The following PBX3 variants were observed in gnomAD, a reference collection of about 807,000 sequenced individuals.
The protein encoded by PBX3 is PBX homeobox 3, also known as pre-B-cell leukemia transcription factor 3.
A neutral mutation model predicts 48.5 loss-of-function variants in PBX3; 14 were observed. That is an observed-to-expected ratio of 0.29 (90% CI 0.19 to 0.45). The LOEUF is 0.45. Ranked by LOEUF, PBX3 falls within the 20% of genes least tolerant of loss-of-function variation. The probability of loss-of-function intolerance (pLI) is 1.00; values close to 1 mark genes in which losing one functional copy is unlikely to be tolerated. For missense variants in PBX3, 386 were observed against 546.7 expected (o/e 0.71, Z 2.93); for synonymous variants, 210 against 200.3 (o/e 1.05, Z -0.41).
At chr9:125,854,878 C>G (rs1407452239) in intron 2 of PBX3, among the ~76,000 whole-genome samples, 2 of 152,030 alleles carry the variant, frequency 1.3e-5, no homozygotes, top group East Asian at 3.8e-4. Flanking sequence ...AGTTACTGGA[C>G]TTTTCTGAGA....
chr9:125,935,263 A>G (rs1841809523), intron 4 of PBX3, among the ~76,000 whole-genome samples: 1 of 152,204 alleles, frequency 6.6e-6, no homozygotes, highest in East Asian at 1.9e-4. Context: ...ATAGTCTGGT[A>G]TTTTTCTCAG....
chr9:125,769,437 A>G (rs1836886243), intron 2 of PBX3, among the ~76,000 whole-genome samples: 1 of 152,212 alleles, frequency 6.6e-6, no homozygotes, highest in Non-Finnish European at 1.5e-5. Context: ...TGCTTATGTA[A>G]TATAATTTGC....
chr9:125,964,807 G>A (rs1409427565), intron 8 of PBX3, among the ~76,000 whole-genome samples: 1 of 152,204 alleles, frequency 6.6e-6, no homozygotes, highest in African/African-American at 2.4e-5. Flanking sequence ...GGCAGCCCAG[G>A]CCTGAAAGAG....
At position 125,864,269 on chromosome 9, in the gene PBX3, G is replaced by C. The variant is rs117004515; in HGVS notation, c.275-51417G>C. ...AGCATCAAGATAACACACTCTTTTT[G>C]AGAAGAATTTTGGGAGTCAATTATT... On this transcript the variant is annotated intron_variant, in intron 2 of 8. Coordinates refer to ENST00000373489, the MANE Select transcript of PBX3 (RefSeq NM_006195.6). Among the ~76,000 whole-genome samples the C allele has an allele frequency of 5.1e-3, 773 of 152,180 alleles. 4 individuals carry two copies. The highest frequency in any genetic ancestry group is 8.6e-3 in the Non-Finnish European group (586 of 67,994).
At chr9:125,796,068 A>G (rs770776541) in intron 2 of PBX3, among the ~76,000 whole-genome samples, 30 of 146,262 alleles carry the variant, frequency 2.1e-4, no homozygotes, top group Non-Finnish European at 3.4e-4. Context: ...CTGCATGTCT[A>G]TTTTCTTTAT....
At chr9:125,956,485 G>T (rs1467867353) in intron 5 of PBX3, among the ~76,000 whole-genome samples, 1 of 152,180 alleles carries the variant, frequency 6.6e-6, no homozygotes, top group Non-Finnish European at 1.5e-5. Flanking sequence ...ATTGCGTGGG[G>T]GAAATACACG....
intron 2 of PBX3, among the ~76,000 whole-genome samples, chr9:125,873,839 G>T (rs1233382066): frequency 6.6e-6 from 1 of 152,052 alleles, no homozygotes; most frequent in Non-Finnish European, 1.5e-5. Flanking sequence ...AAAACTTGAA[G>T]ATGAGTTAAA....
intron 2 of PBX3, among the ~76,000 whole-genome samples, chr9:125,895,695 A>G (rs1840753142): frequency 1.3e-5 from 2 of 152,074 alleles, no homozygotes; most frequent in South Asian, 4.1e-4. Context: ...TTAGAGCTGT[A>G]CTTATTTGAA....
At chr9:125,919,359 A>ATTTTTTTTTTTTTTTTTTTTTTT (rs34891465) in intron 3 of PBX3, among the ~76,000 whole-genome samples, 2 of 102,752 alleles carry the variant, frequency 1.9e-5, no homozygotes, top group African/African-American at 3.8e-5. Context: ...TGCCCGTCTA[A>ATTTTTTTTTTTTTTTTTTTTTTT]TTTTTTTTTT....
chr9:125,778,389 C>G (rs907766392), intron 2 of PBX3, among the ~76,000 whole-genome samples: 1 of 152,038 alleles, frequency 6.6e-6, no homozygotes, highest in African/African-American at 2.4e-5. Context: ...TCCCGAATAG[C>G]TGGGATTACA....
At chr9:125,930,155 A>G (rs1426301683) in intron 4 of PBX3, among the ~76,000 whole-genome samples, 1 of 152,228 alleles carries the variant, frequency 6.6e-6, no homozygotes, top group East Asian at 1.9e-4. Context: ...TTTTCTGCAT[A>G]TAACTGTTTT....
At chr9:125,797,453 A>G (rs1187505123) in intron 2 of PBX3, 1 of 152,050 alleles carries the variant, frequency 6.6e-6, no homozygotes, top group East Asian at 1.9e-4. Flanking sequence ...GAGTTACTTT[A>G]CCTCTACTCA....
intron 5 of PBX3, among the ~76,000 whole-genome samples, chr9:125,955,788 T>G (rs183129741): frequency 1.3e-3 from 201 of 152,348 alleles, no homozygotes; most frequent in Admixed American, 2.8e-3. Context: ...CATGAGATCA[T>G]CACCATCTTG....
intron 2 of PBX3, among the ~76,000 whole-genome samples, chr9:125,779,979 C>T: frequency 7.1e-6 from 1 of 141,802 alleles, no homozygotes; most frequent in Non-Finnish European, 1.6e-5. Flanking sequence ...GCTGGCCGGG[C>T]AGAGGGGCTC....
intron 2 of PBX3, among the ~76,000 whole-genome samples, chr9:125,855,276 A>G (rs1839690619): frequency 6.6e-6 from 1 of 152,136 alleles, no homozygotes; most frequent in Admixed American, 6.5e-5. Flanking sequence ...AATTTTATAG[A>G]TTGAGTTTAG....
chr9:125,959,892 A>G (rs1427467297), intron 5 of PBX3, among the ~76,000 whole-genome samples: 3 of 152,096 alleles, frequency 2.0e-5, no homozygotes, highest in East Asian at 1.9e-4. Flanking sequence ...GCCTGAATAC[A>G]TTGTAACTCT....
intron 2 of PBX3, chr9:125,748,846 A>T (rs1225856855): frequency 8.1e-6 from 3 of 372,440 alleles, no homozygotes; most frequent in Non-Finnish European, 1.5e-5. Flanking sequence ...ACCGGGCTGG[A>T]TCGCCGTCCC....
intron 3 of PBX3, among the ~76,000 whole-genome samples, chr9:125,919,647 TTGAG>T (rs984168297): frequency 1.3e-5 from 2 of 152,232 alleles, no homozygotes; most frequent in African/African-American, 2.4e-5. Context: ...GAAAATTGTG[TTGAG>T]TCTTTTAGAA....
chr9:125,937,911 T>G (rs1201231787), intron 5 of PBX3, among the ~76,000 whole-genome samples: 1 of 152,312 alleles, frequency 6.6e-6, no homozygotes, highest in African/African-American at 2.4e-5. Context: ...TCCTCCAGCC[T>G]CAGCCTCCCA....
Sources: allele counts gnomAD v4.1 joint callset (sites outside exome capture counted in the v4.1 genomes callset), GRCh38; gene constraint gnomAD v4.1.1; transcripts MANE v1.5; gene names NCBI Gene and HGNC (gene_info 2026-07-23, HGNC 2026-07-21).